CCDC171: variants seen among roughly 807,000 people sequenced by gnomAD.
The protein encoded by CCDC171 is coiled-coil domain containing 171, also known as coiled-coil domain-containing protein 171.
Under a neutral mutation model 168.2 loss-of-function variants are expected in CCDC171, and 177 were observed. The observed-to-expected ratio is 1.05, with a 90% confidence interval of 0.93 to 1.19. The LOEUF (loss-of-function observed/expected upper bound fraction) is 1.19. Among genes scored for constraint, CCDC171 ranks in the 50% most tolerant of loss-of-function variants. The probability of loss-of-function intolerance (pLI) is 0.00; values close to 1 mark genes in which losing one functional copy is unlikely to be tolerated. For missense variants in CCDC171, 1,991 were observed against 1,539.0 expected, an observed-to-expected ratio of 1.29 and a Z score of -4.91; for synonymous variants, 687 against 540.8, an observed-to-expected ratio of 1.27 and a Z score of -3.75.
chr9:15,714,237 C>T (rs2052906151), intron 11 of CCDC171, among the ~76,000 whole-genome samples: 1 of 152,086 alleles, frequency 6.6e-6, no homozygotes, highest in African/African-American at 2.4e-5. Context: ...GCATTACTTT[C>T]AATTTGTGTT....
chr9:16,006,866 G>A (rs199979802), intron 3 of CCDC171, among the ~76,000 whole-genome samples: 13 of 152,248 alleles, frequency 8.5e-5, no homozygotes, highest in African/African-American at 2.4e-4. Flanking sequence ...AGTCTTTGCT[G>A]TTGTGAATAG....
chr9:16,041,750 T>C (rs1391992965), upstream of CCDC171, among the ~76,000 whole-genome samples: 1 of 152,180 alleles, frequency 6.6e-6, no homozygotes, highest in Non-Finnish European at 1.5e-5. Flanking sequence ...TAATATTGAA[T>C]ATAGTTCTTG....
At chr9:15,851,015 G>A (rs2061104219) in intron 23 of CCDC171, among the ~76,000 whole-genome samples, 3 of 151,884 alleles carry the variant, frequency 2.0e-5, no homozygotes, top group Admixed American at 6.6e-5. Flanking sequence ...AGTCTTACCC[G>A]CTGAGTTGAA....
intron 7 of CCDC171, among the ~76,000 whole-genome samples, chr9:15,646,874 T>C (rs2047082439): frequency 6.6e-6 from 1 of 152,190 alleles, no homozygotes; most frequent in Non-Finnish European, 1.5e-5. Flanking sequence ...TATCCAGGAA[T>C]TGAACTCAGC....
At chr9:15,996,417 C>CTTTTT (rs34798326) in intron 3 of CCDC171, among the ~76,000 whole-genome samples, 27 of 64,574 alleles carry the variant, frequency 4.2e-4, no homozygotes, top group African/African-American at 1.1e-3. Flanking sequence ...CTAGGAGGCT[C>CTTTTT]TTTTTTTTTT....
intron 7 of CCDC171, among the ~76,000 whole-genome samples, chr9:15,646,277 G>C (rs1475415676): frequency 1.3e-5 from 2 of 152,084 alleles, no homozygotes; most frequent in Non-Finnish European, 2.9e-5. Context: ...AAACTGATAC[G>C]AGCCCCTGCA....
chr9:15,691,110 G>A (rs1459825771), intron 10 of CCDC171, among the ~76,000 whole-genome samples: 6 of 151,966 alleles, frequency 3.9e-5, no homozygotes, highest in East Asian at 3.9e-4. Flanking sequence ...TATACTTAAC[G>A]TACATGCAAA....
intron 7 of CCDC171, among the ~76,000 whole-genome samples, chr9:15,643,221 AC>A (rs1305591166): frequency 2.6e-5 from 4 of 151,998 alleles, no homozygotes; most frequent in African/African-American, 9.7e-5. Context: ...GACTGGCTAG[AC>A]TTTTTTTTGA....
intron 3 of CCDC171, among the ~76,000 whole-genome samples, chr9:15,980,826 G>C (rs141668549): frequency 0.013 from 1,148 of 87,612 alleles, 7 homozygotes; most frequent in Non-Finnish European, 0.018. Context: ...CACCCAATTT[G>C]TATATAGAAA....
At chr9:15,600,544 C>T (rs1020092716) in intron 6 of CCDC171, among the ~76,000 whole-genome samples, 1 of 152,154 alleles carries the variant, frequency 6.6e-6, no homozygotes, top group Non-Finnish European at 1.5e-5. Context: ...CAGTCTGCCC[C>T]TACTCAGGGG....
intron 24 of CCDC171, among the ~76,000 whole-genome samples, chr9:15,899,949 T>A (rs1005985539): frequency 6.6e-6 from 1 of 152,210 alleles, no homozygotes; most frequent in Non-Finnish European, 1.5e-5. Context: ...TCCCAAAGAT[T>A]TTTTCATATA....
intron 24 of CCDC171, among the ~76,000 whole-genome samples, chr9:15,902,768 A>G (rs532601771): frequency 7.9e-5 from 12 of 152,334 alleles, no homozygotes; most frequent in Non-Finnish European, 1.6e-4. Context: ...GGGGTCAGGG[A>G]ATTCCCTTTC....
chr9:15,899,401 A>G (rs1391612997), intron 24 of CCDC171, among the ~76,000 whole-genome samples: 1 of 152,176 alleles, frequency 6.6e-6, no homozygotes, highest in Non-Finnish European at 1.5e-5. Context: ...TAATTTTTAA[A>G]AAACTGTCAA....
chr9:15,714,697 G>T lies in CCDC171; in HGVS notation c.1319-7072G>T, dbSNP rs556516764. Among the ~76,000 whole-genome samples the T allele has an allele frequency of 2.0e-5, 3 of 152,296 alleles. No individual in the cohort carries two copies. The East Asian group carries it at 5.8e-4, about 29-fold the overall frequency. On this transcript the variant is annotated intron_variant, in intron 11 of 25. Coordinates refer to ENST00000380701, the MANE Select transcript of CCDC171 (RefSeq NM_173550.4). ...GCACTATGTCAGGATTGCTAACAGAGACCCATCGTCTTTATTCACAGGTCC... is the reference window on the plus strand; with the variant it reads ...GCACTATGTCAGGATTGCTAACAGATACCCATCGTCTTTATTCACAGGTCC...
In CCDC171 at chr9:15,675,393, G is replaced by A. The variant is rs529132032; in HGVS notation, c.1077-3365G>A. 3.3e-5 allele frequency among the ~76,000 whole-genome samples: 5 copies of A among 152,112 alleles called. No individual in the cohort carries two copies. The East Asian group carries it at 7.7e-4, about 24-fold the overall frequency. On this transcript the variant is annotated intron_variant, in intron 9 of 25. Coordinates refer to ENST00000380701, the MANE Select transcript of CCDC171 (RefSeq NM_173550.4). ...TTACATTTAAGGTTAATACTGTTAT[G>A]TGTGAATCTGATCCTGTCATTATGA...
At chr9:15,848,498 G>A (rs1042099296) in intron 22 of CCDC171, among the ~76,000 whole-genome samples, 2 of 151,734 alleles carry the variant, frequency 1.3e-5, no homozygotes, top group African/African-American at 4.8e-5. Context: ...CCATCACTAA[G>A]ATTTTTTAAG....
intron 18 of CCDC171, among the ~76,000 whole-genome samples, chr9:15,749,082 C>T (rs2055518547): frequency 1.3e-5 from 2 of 150,734 alleles, no homozygotes; most frequent in African/African-American, 4.9e-5. Context: ...ATCTCACACG[C>T]AGAGATGCAC....
intron 10 of CCDC171, among the ~76,000 whole-genome samples, chr9:15,681,259 G>C (rs1587931246): frequency 6.6e-6 from 1 of 152,114 alleles, no homozygotes; most frequent in East Asian, 1.9e-4. Flanking sequence ...AAAAGCAGTT[G>C]CAGATCTGTA....
At chr9:16,054,836 G>A (rs570418608) in intron 1 of CCDC171, among the ~76,000 whole-genome samples, 11 of 152,230 alleles carry the variant, frequency 7.2e-5, no homozygotes, top group Non-Finnish European at 1.0e-4. Context: ...AGTCCTTCAG[G>A]CACTAAGGCA....
Sources: allele counts gnomAD v4.1 joint callset (sites outside exome capture counted in the v4.1 genomes callset), GRCh38; gene constraint gnomAD v4.1.1; transcripts MANE v1.5; gene names NCBI Gene and HGNC (gene_info 2026-07-23, HGNC 2026-07-21).